Variants in ME3 observed in about 807,000 individuals in gnomAD.
The protein encoded by ME3 is NADP-dependent malic enzyme, mitochondrial.
ME3 carries 48 observed loss-of-function variants against 68.9 expected under a neutral mutation model. The ratio of observed to expected loss-of-function variants is 0.70; its 90% CI spans 0.55 to 0.89. The LOEUF (loss-of-function observed/expected upper bound fraction) is 0.89. Among genes scored for constraint, ME3 ranks in the 40% least tolerant of loss-of-function variants. ME3 has a pLI of 0.00. For missense variants in ME3, 675 were observed against 797.4 expected (o/e 0.85, Z 1.85); for synonymous variants, 320 against 318.8 (o/e 1.00, Z -0.04).
intron 5 of ME3, among the ~76,000 whole-genome samples, chr11:86,501,850 C>G (rs1190244448): frequency 6.6e-6 from 1 of 152,180 alleles, no homozygotes; most frequent in Non-Finnish European, 1.5e-5. Context: ...TTGCTACTGC[C>G]TCGGATCAGA....
chr11:86,653,395 C>G (rs561650621), intron 2 of ME3, among the ~76,000 whole-genome samples: 1 of 152,328 alleles, frequency 6.6e-6, no homozygotes, highest in Non-Finnish European at 1.5e-5. Context: ...AACAAACTGT[C>G]TCTCAGACCA....
chr11:86,517,701 G>A (rs1368101182), intron 4 of ME3, among the ~76,000 whole-genome samples: 2 of 152,162 alleles, frequency 1.3e-5, no homozygotes, highest in African/African-American at 4.8e-5. Flanking sequence ...GACACTGGGA[G>A]GTAGTAATTG....
intron 13 of ME3, 25 bp from the exon 14 acceptor site, chr11:86,442,944 G>C: frequency 6.3e-7 from 1 of 1,575,094 alleles, no homozygotes; most frequent in Non-Finnish European, 8.7e-7. Context: ...AGAACCGAGA[G>C]GAATAAGCTG....
chr11:86,625,773 T>A (rs1042869478), intron 2 of ME3, among the ~76,000 whole-genome samples: 3 of 152,192 alleles, frequency 2.0e-5, no homozygotes, highest in Non-Finnish European at 4.4e-5. Flanking sequence ...AGTATAGTAT[T>A]AATAGTACAG....
chr11:86,638,625 T>C (rs1425571107), intron 2 of ME3, among the ~76,000 whole-genome samples: 1 of 152,242 alleles, frequency 6.6e-6, no homozygotes, highest in Non-Finnish European at 1.5e-5. Flanking sequence ...TAAGGGAGCT[T>C]AAACTAGCAT....
chr11:86,442,794 A>G (rs1405711120), intron 14 of ME3, 27 bp downstream of exon 14: 9 of 1,552,476 alleles, frequency 5.8e-6, no homozygotes, highest in Middle Eastern at 1.7e-4. Context: ...CTCACTACCC[A>G]TATTACAGGG....
At chr11:86,607,074 G>T (rs1314930397) in intron 2 of ME3, among the ~76,000 whole-genome samples, 1 of 152,168 alleles carries the variant, frequency 6.6e-6, no homozygotes, top group Non-Finnish European at 1.5e-5. Flanking sequence ...CACTGTTGTT[G>T]ATCTGGATAG....
At chr11:86,527,340 A>G (rs186449010) in intron 4 of ME3, among the ~76,000 whole-genome samples, 1 of 152,212 alleles carries the variant, frequency 6.6e-6, no homozygotes, top group African/African-American at 2.4e-5. Flanking sequence ...AAACGAACAA[A>G]GCCTCCAAGA....
At chr11:86,672,172 A>C in intron 1 of ME3, 152 bp downstream of exon 1, 1 of 446,568 alleles carries the variant, frequency 2.2e-6, no homozygotes, top group Non-Finnish European at 3.8e-6. Context: ...GGCAAAGCGA[A>C]ACCAAGCCCT....
intron 4 of ME3, among the ~76,000 whole-genome samples, chr11:86,534,719 G>T (rs946882402): frequency 6.6e-6 from 1 of 152,030 alleles, no homozygotes; most frequent in Non-Finnish European, 1.5e-5. Context: ...TAAAACACAC[G>T]CTGCACAACT....
At position 86,549,589 on chromosome 11, in the gene ME3, G is replaced by T. The variant is rs546738094; in HGVS notation, c.467+6964C>A. On this transcript the variant is annotated intron_variant, in intron 4 of 14. Coordinates refer to ENST00000543262, the Ensembl canonical transcript of ME3. The stretch of plus-strand genomic sequence containing the variant: ...TTGAGCCCGGCCACACGGGGTACAC[G>T]GTTACCTAAATGATTAACCACCCTT... Among the ~76,000 whole-genome samples, 7 of 152,256 alleles carry T rather than the reference G, an allele frequency of 4.6e-5. No individual in the cohort carries two copies. The East Asian group carries it at 1.4e-3, about 29-fold the overall frequency.
At chr11:86,606,565 A>C (rs1961680951) in intron 2 of ME3, among the ~76,000 whole-genome samples, 1 of 152,192 alleles carries the variant, frequency 6.6e-6, no homozygotes. Context: ...TGAGCTTGAC[A>C]GTCTTCCAAA....
downstream of ME3, among the ~76,000 whole-genome samples, chr11:86,437,721 A>G (rs1948905613): frequency 6.6e-6 from 1 of 152,176 alleles, no homozygotes; most frequent in Non-Finnish European, 1.5e-5. Context: ...ATGCAGTTGT[A>G]AATGAAATTG....
At chr11:86,601,225 A>T (rs1478379320) in intron 2 of ME3, among the ~76,000 whole-genome samples, 1 of 152,096 alleles carries the variant, frequency 6.6e-6, no homozygotes, top group Non-Finnish European at 1.5e-5. Flanking sequence ...TAAAGAAAAA[A>T]AGAGAGAAGA....
chr11:86,520,712 A>G (rs546547733), intron 4 of ME3, among the ~76,000 whole-genome samples: 154 of 152,300 alleles, frequency 1.0e-3, no homozygotes, highest in Non-Finnish European at 1.7e-3. Context: ...CACTGATTGC[A>G]TGGGTCCCCT....
downstream of ME3, chr11:86,436,504 T>A (rs1948898485): frequency 6.6e-6 from 1 of 152,126 alleles, no homozygotes; most frequent in Non-Finnish European, 1.5e-5. Flanking sequence ...TGCAAAATTT[T>A]AAATTTTGAT....
At chr11:86,476,547 A>G (rs1951091408) in intron 7 of ME3, among the ~76,000 whole-genome samples, 1 of 152,162 alleles carries the variant, frequency 6.6e-6, no homozygotes, top group African/African-American at 2.4e-5. Flanking sequence ...TGGTTACTTG[A>G]GGGGGTGACT....
intron 2 of ME3, among the ~76,000 whole-genome samples, chr11:86,569,256 C>A (rs550860917): frequency 6.6e-6 from 1 of 152,180 alleles, no homozygotes. Context: ...CACATCACAA[C>A]GTAACTGCTT....
intron 4 of ME3, among the ~76,000 whole-genome samples, chr11:86,548,849 A>C: frequency 6.6e-6 from 1 of 152,146 alleles, no homozygotes; most frequent in Admixed American, 6.5e-5. Flanking sequence ...TCCTTCTACT[A>C]ATGTACAGTG....
Sources: gnomAD v4.1 joint callset for allele counts (sites outside exome capture counted in the v4.1 genomes callset) on GRCh38, gnomAD v4.1.1 for gene constraint, MANE v1.5 for transcripts, NCBI Gene and HGNC (gene_info 2026-07-23, HGNC 2026-07-21) for gene names.